Variants in PDE1C observed in about 807,000 individuals in gnomAD.
PDE1C encodes the protein phosphodiesterase 1C.
A neutral mutation model predicts 93.1 loss-of-function variants in PDE1C; 62 were observed. The observed-to-expected ratio is 0.67, with a 90% CI of 0.54 to 0.82. The LOEUF (loss-of-function observed/expected upper bound fraction) is 0.82. Ranked by LOEUF, PDE1C falls within the 40% of genes least tolerant of loss-of-function variation. PDE1C has a pLI of 0.00. For synonymous variants in PDE1C, 325 were observed against 310.1 expected, an observed-to-expected ratio of 1.05 and a Z score of -0.50; for missense variants, 742 against 884.6, an observed-to-expected ratio of 0.84 and a Z score of 2.04.
chr7:32,129,824 G>A (rs1799819178), intron 3 of PDE1C, among the ~76,000 whole-genome samples: 1 of 151,932 alleles, frequency 6.6e-6, no homozygotes, highest in East Asian at 1.9e-4. Flanking sequence ...TACTGAGTTA[G>A]GACAGAAATA....
chr7:31,689,837 G>A, the PDE1C span, among the ~76,000 whole-genome samples: 1 of 152,086 alleles, frequency 6.6e-6, no homozygotes. Context: ...ATCCCTGCAC[G>A]GCATGGGATA....
At chr7:32,395,879 T>C (rs1784832139) in intron 1 of PDE1C, among the ~76,000 whole-genome samples, 2 of 152,284 alleles carry the variant, frequency 1.3e-5, no homozygotes, top group East Asian at 3.9e-4. Context: ...AAAAAAATAT[T>C]TTACTTTCTT....
chr7:32,018,988 T>C (rs1015101588), intron 2 of PDE1C, among the ~76,000 whole-genome samples: 12 of 152,014 alleles, frequency 7.9e-5, no homozygotes, highest in African/African-American at 2.7e-4. Flanking sequence ...GTCATGTTGC[T>C]ATATTCACAC....
intron 1 of PDE1C, among the ~76,000 whole-genome samples, chr7:32,387,713 C>T (rs1234676806): frequency 1.4e-5 from 2 of 141,618 alleles, no homozygotes; most frequent in South Asian, 2.4e-4. Flanking sequence ...GACGGGGCGG[C>T]TGGCCGGGCA....
At chr7:31,964,410 G>A (rs1467576558) in intron 2 of PDE1C, among the ~76,000 whole-genome samples, 1 of 152,238 alleles carries the variant, frequency 6.6e-6, no homozygotes, top group Non-Finnish European at 1.5e-5. Context: ...GGCTGGGGGA[G>A]GGGCGCCTGC....
At chr7:32,347,799 C>T (rs1173294254) in intron 1 of PDE1C, among the ~76,000 whole-genome samples, 7 of 152,198 alleles carry the variant, frequency 4.6e-5, no homozygotes, top group Non-Finnish European at 8.8e-5. Context: ...TGATGAACTC[C>T]AAAGCAGATT....
chr7:32,322,570 C>G (rs1288211607), intron 1 of PDE1C, among the ~76,000 whole-genome samples: 2 of 152,110 alleles, frequency 1.3e-5, no homozygotes, highest in Non-Finnish European at 1.5e-5. Flanking sequence ...CACCGCTGCA[C>G]TCCAGCCTGG....
At chr7:31,870,888 A>G (rs990442978) in intron 6 of PDE1C, among the ~76,000 whole-genome samples, 4 of 151,864 alleles carry the variant, frequency 2.6e-5, no homozygotes, top group African/African-American at 9.7e-5. Context: ...CCAAAACACT[A>G]TATATTATTT....
chr7:31,988,139 C>A (rs1783657464), intron 2 of PDE1C, among the ~76,000 whole-genome samples: 1 of 152,192 alleles, frequency 6.6e-6, no homozygotes, highest in African/African-American at 2.4e-5. Flanking sequence ...CCCTGCCCGT[C>A]CCACTGTGGC....
chr7:32,088,484 T>C (rs1357437304), intron 3 of PDE1C, among the ~76,000 whole-genome samples: 1 of 152,244 alleles, frequency 6.6e-6, no homozygotes. Flanking sequence ...GCCTTTCTAA[T>C]CTGCCTAGTC....
intron 16 of PDE1C, among the ~76,000 whole-genome samples, chr7:31,804,028 T>C (rs1786455388): frequency 2.6e-5 from 4 of 151,884 alleles, no homozygotes; most frequent in Admixed American, 2.6e-4. Flanking sequence ...TTTTCTTTAT[T>C]GTGGGTAGTG....
intron 3 of PDE1C, among the ~76,000 whole-genome samples, chr7:32,090,478 G>A (rs745875661): frequency 2.0e-5 from 3 of 152,166 alleles, no homozygotes; most frequent in Non-Finnish European, 4.4e-5. Flanking sequence ...CACCACCCAG[G>A]AAGCAGGGGC....
intron 2 of PDE1C, among the ~76,000 whole-genome samples, chr7:32,007,839 G>T (rs1786489093): frequency 6.6e-6 from 1 of 152,110 alleles, no homozygotes; most frequent in Non-Finnish European, 1.5e-5. Context: ...GTGGCACAGG[G>T]CAGGGATTCA....
chr7:32,223,763 C>T (rs1234561164), intron 1 of PDE1C, among the ~76,000 whole-genome samples: 1 of 152,190 alleles, frequency 6.6e-6, no homozygotes, highest in Non-Finnish European at 1.5e-5. Flanking sequence ...AAATATTAAC[C>T]AACCTATTGC....
chr7:32,382,634 A>T (rs1396723215), intron 1 of PDE1C, among the ~76,000 whole-genome samples: 1 of 152,080 alleles, frequency 6.6e-6, no homozygotes, highest in Admixed American at 6.5e-5. Context: ...AGCCCCTACC[A>T]GTTCACCTTA....
chr7:32,161,702 A>T (rs1326627733), intron 3 of PDE1C, among the ~76,000 whole-genome samples: 1 of 152,198 alleles, frequency 6.6e-6, no homozygotes, highest in African/African-American at 2.4e-5. Flanking sequence ...TAGGAAACAT[A>T]GAGAAGTTTA....
chr7:31,872,854 A>G (rs1260526498), intron 6 of PDE1C, among the ~76,000 whole-genome samples: 1 of 152,146 alleles, frequency 6.6e-6, no homozygotes, highest in East Asian at 1.9e-4. Flanking sequence ...ACAGATGATA[A>G]GTGATAGTAT....
chr7:32,320,810 G>A (rs7786636), intron 1 of PDE1C, among the ~76,000 whole-genome samples: 5,120 of 152,288 alleles, frequency 0.034, 214 homozygotes, highest in African/African-American at 0.097. Context: ...CATTTATTGA[G>A]CACCTACTAA....
intron 1 of PDE1C, among the ~76,000 whole-genome samples, chr7:32,406,128 G>T (rs965926733): frequency 6.6e-6 from 1 of 152,100 alleles, no homozygotes; most frequent in African/African-American, 2.4e-5. Context: ...CCCCACAGAG[G>T]CCTAAAAGCA....
Sources: allele counts gnomAD v4.1 joint callset (sites outside exome capture counted in the v4.1 genomes callset), GRCh38; gene constraint gnomAD v4.1.1; transcripts MANE v1.5; gene names NCBI Gene and HGNC (gene_info 2026-07-23, HGNC 2026-07-21).